SLC1A4: variants seen among roughly 807,000 people sequenced by gnomAD.
SLC1A4 encodes the protein solute carrier family 1 member 4, also known as neutral amino acid transporter A.
A neutral mutation model predicts 37.7 loss-of-function variants in SLC1A4; 19 were observed. That is an observed-to-expected ratio of 0.50 (90% CI 0.35 to 0.74). The LOEUF (loss-of-function observed/expected upper bound fraction) is 0.74. Among genes scored for constraint, SLC1A4 ranks in the 30% least tolerant of loss-of-function variants. SLC1A4 has a pLI of 0.01. For synonymous variants in SLC1A4, 299 were observed against 309.8 expected, an observed-to-expected ratio of 0.97 and a Z score of 0.37; for missense variants, 570 against 712.9, an observed-to-expected ratio of 0.80 and a Z score of 2.28.
At position 64,990,040 on chromosome 2, in the gene SLC1A4, G is replaced by T. The variant is rs1445806471; in HGVS notation, c.397G>T (p.Val133Leu). ...CACACTGAGTGCCTCGGCGCTCGCC[G>T]TGGCCTTGGCGTTCATCATCAAGCC... ...LTTLSASALA[V>L]ALAFIIKPGS... Residue 133 changes from valine (V) to leucine (L), a missense_variant, in exon 1 of 8, where the codon GTG (valine) becomes TTG (leucine). Physicochemically the swap from Val to Leu is conservative, Grantham distance 32. Coordinates refer to ENST00000234256, the MANE Select transcript of SLC1A4 (RefSeq NM_003038.5). 1.2e-6 allele frequency: 2 copies of T among 1,605,406 alleles called. No individual in the cohort carries two copies. Among genetic ancestry groups the T allele is most frequent in the South Asian group, 1.1e-5 (1 of 89,358 alleles).
At chr2:65,001,425 C>G (rs1324606560) in intron 1 of SLC1A4, 23 bp from the exon 2 acceptor site, 1 of 1,612,088 alleles carries the variant, frequency 6.2e-7, no homozygotes, top group Admixed American at 1.7e-5. Context: ...AGAATACTGA[C>G]AGAATGCTTT....
chr2:64,995,670 GATA>G (rs1298154942), intron 1 of SLC1A4, among the ~76,000 whole-genome samples: 1 of 152,034 alleles, frequency 6.6e-6, no homozygotes, highest in African/African-American at 2.4e-5. Flanking sequence ...AAATACTAGC[GATA>G]ATAAATATTT....
At chr2:65,015,686 A>G (rs1674097849) in intron 4 of SLC1A4, among the ~76,000 whole-genome samples, 2 of 152,210 alleles carry the variant, frequency 1.3e-5, no homozygotes, top group Admixed American at 1.3e-4. Flanking sequence ...TGGGAGAGAG[A>G]TGAGAGGGAG....
In SLC1A4 at chr2:65,018,771, T is replaced by G; in HGVS notation, c.1364+92T>G. 7.0e-7 allele frequency: 1 copy of G among 1,433,280 alleles called. No homozygotes were observed. The highest frequency in any genetic ancestry group is 9.6e-7 in the Non-Finnish European group (1 of 1,042,850). The allele number at this position is 1,433,280 out of a possible 1,614,324, so 88.8% of individuals were successfully genotyped here. ...TGGGCCTGGGCCATGCAGAGAAACTTCAGACACACTCCAGCCTTGTGAAGG... is the reference window on the plus strand; with the variant it reads ...TGGGCCTGGGCCATGCAGAGAAACTGCAGACACACTCCAGCCTTGTGAAGG... On this transcript the variant is annotated intron_variant, in intron 7 of 7. Coordinates refer to ENST00000234256, the MANE Select transcript of SLC1A4 (RefSeq NM_003038.5). The surrounding 1 kb of genome is among the most constrained non-coding windows in gnomAD (Gnocchi z 4.3).
chr2:65,002,280 AAAAT>A (rs139658708), intron 2 of SLC1A4, among the ~76,000 whole-genome samples: 13 of 144,310 alleles, frequency 9.0e-5, no homozygotes, highest in Admixed American at 5.6e-4. Context: ...ACTCTATCTC[AAAAT>A]AAATAAATAA....
chr2:65,009,537 T>G (rs1013235029), intron 3 of SLC1A4, among the ~76,000 whole-genome samples: 1 of 152,222 alleles, frequency 6.6e-6, no homozygotes, highest in Non-Finnish European at 1.5e-5. Flanking sequence ...TCCAGTTAAT[T>G]TGGAAATTAG....
chr2:65,013,568 T>G (rs1674008700), intron 4 of SLC1A4, among the ~76,000 whole-genome samples: 2 of 152,170 alleles, frequency 1.3e-5, no homozygotes, highest in Non-Finnish European at 2.9e-5. Flanking sequence ...TTCCTTCAAT[T>G]TGATGTACCA....
chr2:65,010,791 T>TC (rs1042367441), intron 4 of SLC1A4, 28 bp downstream of exon 4: 2 of 1,594,430 alleles, frequency 1.3e-6, no homozygotes, highest in Non-Finnish European at 1.7e-6. Flanking sequence ...GCCTACTCTC[T>TC]CTCTCCTTCC....
At chr2:65,013,027 T>A (rs1245099434) in intron 4 of SLC1A4, among the ~76,000 whole-genome samples, 2 of 152,132 alleles carry the variant, frequency 1.3e-5, no homozygotes, top group African/African-American at 2.4e-5. Context: ...ACAGGAAGCA[T>A]GGCTGGGAAG....
At chr2:65,003,592 G>C (rs1673559525) in intron 2 of SLC1A4, among the ~76,000 whole-genome samples, 1 of 152,218 alleles carries the variant, frequency 6.6e-6, no homozygotes, top group Admixed American at 6.5e-5. Flanking sequence ...GCATTATGGA[G>C]TTAATGCCAA....
intron 2 of SLC1A4, among the ~76,000 whole-genome samples, chr2:65,003,563 C>T (rs115957468): frequency 1.3e-5 from 2 of 152,190 alleles, no homozygotes; most frequent in African/African-American, 4.8e-5. Context: ...TAAAATGATA[C>T]AATGAAAAAT....
At chr2:64,998,058 C>G (rs561061933) in intron 1 of SLC1A4, among the ~76,000 whole-genome samples, 3 of 152,074 alleles carry the variant, frequency 2.0e-5, no homozygotes, top group African/African-American at 7.2e-5. Context: ...ATGGTGAAAC[C>G]CCGTCTCTAC....
At position 64,989,428 on chromosome 2, in the gene SLC1A4, C is replaced by T; in HGVS notation, c.-216C>T. On this transcript the variant is annotated 5_prime_UTR_variant, in exon 1 of 8. Transcript: ENST00000234256. ...CCAGCCGGCGGCTGCTCCAGGGAGG[C>T]TGGGCGCGATCCTCTCCGCCCGCGG... The T allele has an allele frequency of 2.5e-6, 1 of 403,672 alleles. No individual in the cohort carries two copies. 25.0% of individuals were successfully genotyped at this position (403,672 alleles called of 1,614,324 possible).
upstream of SLC1A4, among the ~76,000 whole-genome samples, chr2:64,989,207 GC>G (rs549969612): frequency 1.3e-5 from 2 of 151,612 alleles, no homozygotes; most frequent in East Asian, 4.0e-4. Flanking sequence ...CCGCCCGGCC[GC>G]CCCCTGCGGC....
In SLC1A4 at chr2:65,018,799, G is replaced by A. The variant is rs1205797987; in HGVS notation, c.1364+120G>A. ...GACACACTCCAGCCTTGTGAAGGAGGCTACAGTGGAGCTAAAAGGGCAAGA... is the reference window on the plus strand; with the variant it reads ...GACACACTCCAGCCTTGTGAAGGAGACTACAGTGGAGCTAAAAGGGCAAGA... On this transcript the variant is annotated intron_variant, in intron 7 of 7. Transcript: ENST00000234256. This position sits in a 1 kb window ranked among gnomAD's most constrained non-coding sequence, Gnocchi z 4.3. 1.5e-5 allele frequency: 18 copies of A among 1,211,566 alleles called. No homozygotes were observed. Among genetic ancestry groups the A allele is most frequent in the Admixed American group, 4.6e-5 (2 of 43,952 alleles). The allele number at this position is 1,211,566 out of a possible 1,614,324, so 75.1% of individuals were successfully genotyped here.
chr2:64,992,742 C>A (rs1028995646), intron 1 of SLC1A4, among the ~76,000 whole-genome samples: 1 of 152,114 alleles, frequency 6.6e-6, no homozygotes, highest in African/African-American at 2.4e-5. Context: ...CCTGCCTAGT[C>A]TAGTGTGGCT....
chr2:65,020,563 G>C (rs1000108029), intron 7 of SLC1A4, among the ~76,000 whole-genome samples: 1 of 152,076 alleles, frequency 6.6e-6, no homozygotes, highest in Admixed American at 6.5e-5. Flanking sequence ...CACTGTGCCT[G>C]GCTTATGTGT....
At chr2:65,020,419 A>G (rs1674367961) in intron 7 of SLC1A4, among the ~76,000 whole-genome samples, 1 of 152,174 alleles carries the variant, frequency 6.6e-6, no homozygotes, top group Non-Finnish European at 1.5e-5. Flanking sequence ...GGCACACTCT[A>G]CCATGCCCAG....
At position 64,989,918 on chromosome 2, in the gene SLC1A4, C is replaced by A. The variant is rs780624542; in HGVS notation, c.275C>A (p.Pro92Gln). The change falls in exon 1 of 8, where the codon CCG becomes CAG. Residue 92 changes from proline (P) to glutamine (Q), a missense_variant. By Grantham distance (76) the Pro-to-Gln change is moderately conservative (BLOSUM62 -1). Coordinates refer to ENST00000234256, the MANE Select transcript of SLC1A4 (RefSeq NM_003038.5). ...LLRMLRMIIL[P>Q]LVVCSLVSGA... ...CGCATGCTGCGCATGATCATCCTGC[C>A]GCTGGTGGTCTGCAGCCTGGTGTCG... The A allele has an allele frequency of 3.8e-6, 6 of 1,561,502 alleles. No individual in the cohort carries two copies. In the South Asian group the frequency reaches 5.9e-5, roughly 15 times the overall value.
Sources: allele counts gnomAD v4.1 joint callset (sites outside exome capture counted in the v4.1 genomes callset), GRCh38; gene constraint gnomAD v4.1.1; non-coding constraint Gnocchi (gnomAD v3.1); transcripts MANE v1.5; gene names NCBI Gene and HGNC (gene_info 2026-07-23, HGNC 2026-07-21).